The following RALGAPA2 variants were observed in gnomAD, a reference collection of about 807,000 sequenced individuals.
RALGAPA2 encodes the protein ral GTPase-activating protein subunit alpha-2.
In RALGAPA2, 139 loss-of-function variants were observed where a neutral mutation model predicts 230.4. The observed-to-expected ratio is 0.60, with a 90% CI of 0.53 to 0.69. The LOEUF is 0.69. Ranked by LOEUF, RALGAPA2 falls within the 30% of genes least tolerant of loss-of-function variation. The pLI, the probability that RALGAPA2 is intolerant of heterozygous loss-of-function variation, is 0.00. For synonymous variants in RALGAPA2, 847 were observed against 837.8 expected (o/e 1.01, Z -0.19); for missense variants, 2,163 against 2,276.0 (o/e 0.95, Z 1.01).
At chr20:20,663,130 G>A (rs2067838829) in intron 3 of RALGAPA2, among the ~76,000 whole-genome samples, 1 of 152,136 alleles carries the variant, frequency 6.6e-6, no homozygotes, top group Non-Finnish European at 1.5e-5. Context: ...GAGAGAAGGG[G>A]TAGAAGATTA....
intron 37 of RALGAPA2, among the ~76,000 whole-genome samples, chr20:20,465,079 T>C (rs1011934611): frequency 1.3e-5 from 2 of 151,648 alleles, no homozygotes; most frequent in Admixed American, 1.3e-4. Context: ...ATGATTTACT[T>C]TTGGCTTCTG....
Position 20,571,555 on chromosome 20 carries a change from C to G in RALGAPA2, c.3059G>C (p.Cys1020Ser), listed in dbSNP as rs751851338. 6.2e-7 allele frequency: 1 copy of G among 1,612,456 alleles called. No homozygotes were observed. Among genetic ancestry groups the G allele is most frequent in the South Asian group, 1.1e-5 (1 of 90,700 alleles). ...GTCCTGGCGTCTGGTCATCATGGCACAGATCAGCCTGTAGGCTTGTAGTTT... is the reference window on the plus strand; with the variant it reads ...GTCCTGGCGTCTGGTCATCATGGCAGAGATCAGCCTGTAGGCTTGTAGTTT... ...EGKLQAYRLI[C>S]AMMTRRQDVL... Residue 1020 changes from cysteine to serine, a missense_variant, in exon 23 of 40, where the codon TGT becomes TCT. Cys to Ser is a moderately radical substitution (Grantham distance 112). Transcript: ENST00000202677.
chr20:20,515,362 G>A (rs2062836899), intron 31 of RALGAPA2, among the ~76,000 whole-genome samples: 2 of 152,242 alleles, frequency 1.3e-5, no homozygotes, highest in African/African-American at 2.4e-5. Flanking sequence ...AGAATAGTGT[G>A]TAGAGATTCA....
chr20:20,568,210 T>G (rs1415132846), intron 23 of RALGAPA2, among the ~76,000 whole-genome samples: 7 of 152,150 alleles, frequency 4.6e-5, no homozygotes, highest in Admixed American at 4.6e-4. Context: ...TAACATCAAT[T>G]TTTAAAAAAA....
intron 31 of RALGAPA2, among the ~76,000 whole-genome samples, chr20:20,515,590 T>C (rs549473615): frequency 6.6e-6 from 1 of 152,290 alleles, no homozygotes; most frequent in South Asian, 2.1e-4. Flanking sequence ...GCCTTAACCC[T>C]ACCCAGAGCT....
chr20:20,427,922 C>T (rs1044846625), intron 37 of RALGAPA2, among the ~76,000 whole-genome samples: 1 of 151,980 alleles, frequency 6.6e-6, no homozygotes, highest in African/African-American at 2.4e-5. Context: ...TCAGCAGGTA[C>T]CTCTGAGTAC....
At chr20:20,438,984 A>AG (rs1000295821) in intron 37 of RALGAPA2, among the ~76,000 whole-genome samples, 17 of 152,318 alleles carry the variant, frequency 1.1e-4, no homozygotes, top group African/African-American at 3.6e-4. Flanking sequence ...CAAAAGGGGA[A>AG]GAAAAGCACA....
At chr20:20,432,008 G>C (rs6046858) in intron 37 of RALGAPA2, among the ~76,000 whole-genome samples, 8,036 of 152,188 alleles carry the variant, frequency 0.053, 452 homozygotes, top group East Asian at 0.14. Context: ...TTATACATCA[G>C]TTAACTTGTA....
chr20:20,421,969 G>A (rs539344538), intron 37 of RALGAPA2, among the ~76,000 whole-genome samples: 1 of 152,314 alleles, frequency 6.6e-6, no homozygotes, highest in East Asian at 1.9e-4. Context: ...ATGAAGTATT[G>A]ATACCTGCTG....
chr20:20,406,511 A>G (rs555763158), intron 38 of RALGAPA2, among the ~76,000 whole-genome samples: 12 of 152,354 alleles, frequency 7.9e-5, no homozygotes, highest in African/African-American at 2.9e-4. Flanking sequence ...AGTTGTCTGT[A>G]GGACATGTGG....
intron 35 of RALGAPA2, among the ~76,000 whole-genome samples, chr20:20,496,863 T>C (rs2062221007): frequency 6.6e-6 from 1 of 152,220 alleles, no homozygotes; most frequent in South Asian, 2.1e-4. Context: ...GGAATGACTG[T>C]ACAGGCCAAT....
At chr20:20,412,537 CAT>C (rs1446359832) in intron 37 of RALGAPA2, among the ~76,000 whole-genome samples, 7 of 152,168 alleles carry the variant, frequency 4.6e-5, no homozygotes, top group African/African-American at 1.7e-4. Context: ...AGCCTACTGA[CAT>C]ATGAGTTGAT....
intron 25 of RALGAPA2, among the ~76,000 whole-genome samples, chr20:20,536,171 A>C (rs1307216869): frequency 6.6e-6 from 1 of 152,262 alleles, no homozygotes; most frequent in African/African-American, 2.4e-5. Flanking sequence ...CTGGGATTCT[A>C]AAAGCATTTT....
chr20:20,627,856 C>T (rs1279708795), intron 10 of RALGAPA2, among the ~76,000 whole-genome samples: 1 of 152,180 alleles, frequency 6.6e-6, no homozygotes, highest in Non-Finnish European at 1.5e-5. Context: ...GACTGGGAGT[C>T]ATATGCCACA....
intron 23 of RALGAPA2, among the ~76,000 whole-genome samples, chr20:20,547,145 A>T (rs2063795466): frequency 6.6e-6 from 1 of 152,206 alleles, no homozygotes. Flanking sequence ...TAATGAGGTA[A>T]ATATGTAATT....
At chr20:20,529,304 A>T (rs1461596277) in intron 27 of RALGAPA2, among the ~76,000 whole-genome samples, 1 of 152,192 alleles carries the variant, frequency 6.6e-6, no homozygotes, top group Non-Finnish European at 1.5e-5. Context: ...TCAACAGGAC[A>T]ATCTCCATGC....
At position 20,503,263 on chromosome 20, in the gene RALGAPA2, T is replaced by C. The variant is rs2062430226; in HGVS notation, c.5208+88A>G. 9.1e-6 allele frequency: 11 copies of C among 1,203,616 alleles called. No individual in the cohort carries two copies. In the Admixed American group the frequency reaches 2.4e-4, roughly 27 times the overall value. 74.6% of individuals were successfully genotyped at this position (1,203,616 alleles called of 1,614,324 possible). On this transcript the variant is annotated intron_variant, in intron 35 of 39. Transcript: ENST00000202677. ...AGAGTTCAGAGAAACCATCTCAGTG[T>C]GCGTTCTACCCTTGTATTTGTCTGT...
At chr20:20,473,022 T>C (rs1413526330) in intron 36 of RALGAPA2, 66 bp from the exon 37 acceptor site, 1 of 1,496,672 alleles carries the variant, frequency 6.7e-7, no homozygotes, top group African/African-American at 1.4e-5. Flanking sequence ...GATATGAGAG[T>C]AGCTGACTGA....
intron 38 of RALGAPA2, among the ~76,000 whole-genome samples, chr20:20,408,947 T>G (rs1331061976): frequency 6.6e-6 from 1 of 152,234 alleles, no homozygotes; most frequent in Non-Finnish European, 1.5e-5. Context: ...ATGGAATAGA[T>G]ACAAGGTAGA....
Sources: gnomAD v4.1 joint callset for allele counts (sites outside exome capture counted in the v4.1 genomes callset) on GRCh38, gnomAD v4.1.1 for gene constraint, MANE v1.5 for transcripts, NCBI Gene and HGNC (gene_info 2026-07-23, HGNC 2026-07-21) for gene names.